The following PRRC2B variants were observed in gnomAD, a reference collection of about 807,000 sequenced individuals.
PRRC2B encodes proline rich coiled-coil 2B, also known as protein PRRC2B.
Under a neutral mutation model 242.3 loss-of-function variants are expected in PRRC2B, and 68 were observed. The ratio of observed to expected loss-of-function variants is 0.28; its 90% CI spans 0.23 to 0.34. PRRC2B has a LOEUF of 0.34. Ranked by LOEUF, PRRC2B falls within the 10% of genes least tolerant of loss-of-function variation. The pLI, the probability that PRRC2B is intolerant of heterozygous loss-of-function variation, is 1.00. For missense variants in PRRC2B, 2,835 were observed against 2,954.8 expected (o/e 0.96, Z 0.94); for synonymous variants, 1,228 against 1,173.6 (o/e 1.05, Z -0.95).
rs1230487556 is a variant in PRRC2B, at chr9:131,496,406, C to G, written c.*532C>G. On this transcript the variant is annotated 3_prime_UTR_variant, in exon 32 of 32. Coordinates refer to ENST00000683519, the MANE Select transcript of PRRC2B (RefSeq NM_013318.4). The stretch of plus-strand genomic sequence containing the variant: ...TTCTTGCCAGCCCCTCCGCTCCCTT[C>G]CATCTCTAGCCTCTGTCCTGTTTAG... 6.5e-6 allele frequency: 1 copy of G among 154,602 alleles called. No individual in the cohort carries two copies. Among genetic ancestry groups the G allele is most frequent in the East Asian group, 1.9e-4 (1 of 5,232 alleles). The allele number at this position is 154,602 out of a possible 1,614,324, so 9.6% of individuals were successfully genotyped here.
chr9:131,420,493 C>CTTTCTTTCTTTCTTTCTTTCTTTTT, intron 1 of PRRC2B, among the ~76,000 whole-genome samples: 22 of 30,172 alleles, frequency 7.3e-4, no homozygotes, highest in Middle Eastern at 0.018. Flanking sequence ...TTCTTTCTTT[C>CTTTCTTTCTTTCTTTCTTTCTTTTT]TTTTTTTTTT....
At chr9:131,484,595 T>A in intron 23 of PRRC2B, 91 bp from the exon 24 acceptor site, 1 of 1,023,662 alleles carries the variant, frequency 9.8e-7, no homozygotes, top group African/African-American at 1.6e-5. Flanking sequence ...TGGACGAGCC[T>A]TGAGTGTGTT....
chr9:131,422,757 C>T (rs1048862741), intron 1 of PRRC2B, among the ~76,000 whole-genome samples: 7 of 152,148 alleles, frequency 4.6e-5, no homozygotes, highest in African/African-American at 1.7e-4. Context: ...CCGTTGTTGG[C>T]GAATCTTTCT....
At position 131,446,228 on chromosome 9, in the gene PRRC2B, G is replaced by A. The variant is rs1315829967; in HGVS notation, c.614-173G>A. 2.0e-5 allele frequency among the ~76,000 whole-genome samples: 3 copies of A among 152,168 alleles called. No individual in the cohort carries two copies. The highest frequency in any genetic ancestry group is 2.9e-5 in the Non-Finnish European group (2 of 68,028). ...TCAGCAAGTTCATCCTCATTGGCCA[G>A]GGGTCTGCCCCAACCTTCCCTGACA... On this transcript the variant is annotated intron_variant, in intron 6 of 31. Coordinates refer to ENST00000683519, the MANE Select transcript of PRRC2B (RefSeq NM_013318.4). The surrounding 1 kb of genome is among the most constrained non-coding windows in gnomAD (Gnocchi z 4.1).
chr9:131,487,765 T>C lies in PRRC2B; in HGVS notation c.5985-91T>C, dbSNP rs1944068302. 6.6e-7 allele frequency: 1 copy of C among 1,508,682 alleles called. No individual in the cohort carries two copies. The highest frequency in any genetic ancestry group is 1.4e-5 in the African/African-American group (1 of 72,506). 93.5% of individuals were successfully genotyped at this position (1,508,682 alleles called of 1,614,324 possible). ...GGGGTGGGGCCGGGGATCTGTGGTT[T>C]AGCAAGCTCTCCGGGGATCTCTGAA... On this transcript the variant is annotated intron_variant, in intron 27 of 31. Coordinates refer to ENST00000683519, the MANE Select transcript of PRRC2B (RefSeq NM_013318.4). The surrounding 1 kb of genome is among the most constrained non-coding windows in gnomAD (Gnocchi z 5.3).
rs541524987 is a variant in PRRC2B at position 131,446,119 on chromosome 9, T to TTG, written c.614-281_614-280dup. On this transcript the variant is annotated intron_variant, in intron 6 of 31. Coordinates refer to ENST00000683519, the MANE Select transcript of PRRC2B (RefSeq NM_013318.4). This position sits in a 1 kb window ranked among gnomAD's most constrained non-coding sequence, Gnocchi z 4.1. ...TCTTCATCTCTCTGGGTTGTGAGACTTGGGGAAGGGTGGTGATTGTTGCTT... is the reference window on the plus strand; with the variant it reads ...TCTTCATCTCTCTGGGTTGTGAGACTTGTGGGGAAGGGTGGTGATTGTTGCTT... Among the ~76,000 whole-genome samples the TTG allele has an allele frequency of 1.3e-5, 2 of 150,610 alleles. No homozygotes were observed. The highest frequency in any genetic ancestry group is 1.3e-4 in the Admixed American group (2 of 14,842).
At position 131,478,073 on chromosome 9, in the gene PRRC2B, C is replaced by T. The variant is rs140489085; in HGVS notation, c.4612+124C>T. ...AGCTTTCGGAACAGCTCGGCCAGGC[C>T]CTGGGCTGGGTTCTGGGGCTGTAGA... is the stretch of plus-strand genomic sequence containing the variant. On this transcript the variant is annotated intron_variant, in intron 17 of 31. Transcript: ENST00000683519. 2,572 of 813,330 alleles carry T rather than the reference C, an allele frequency of 3.2e-3. 19 individuals are homozygous for T. Among genetic ancestry groups the T allele is most frequent in the South Asian group, 0.014 (801 of 58,338 alleles). The allele number at this position is 813,330 out of a possible 1,614,324, so 50.4% of individuals were successfully genotyped here.
intron 12 of PRRC2B, among the ~76,000 whole-genome samples, chr9:131,465,520 C>T (rs2131424830): frequency 1.3e-5 from 2 of 152,286 alleles, no homozygotes; most frequent in East Asian, 3.9e-4. Context: ...ACAGCACGCT[C>T]CAGTTTCTGG....
chr9:131,419,396 A>G (rs1217595965), intron 1 of PRRC2B, among the ~76,000 whole-genome samples: 3 of 152,316 alleles, frequency 2.0e-5, no homozygotes, highest in Non-Finnish European at 2.9e-5. Context: ...GTGACACACC[A>G]ACGTGGGGAC....
intron 1 of PRRC2B, among the ~76,000 whole-genome samples, chr9:131,413,188 T>C (rs559565953): frequency 6.6e-6 from 1 of 152,360 alleles, no homozygotes; most frequent in South Asian, 2.1e-4. Flanking sequence ...CTTTTTCTTA[T>C]TTGAAGGTGT....
intron 5 of PRRC2B, among the ~76,000 whole-genome samples, chr9:131,440,075 G>A (rs1214431236): frequency 6.6e-6 from 1 of 151,696 alleles, no homozygotes; most frequent in Non-Finnish European, 1.5e-5. Context: ...TTGATTGACT[G>A]AGTGATTGAT....
chr9:131,474,382 G>T (rs1211869124), intron 15 of PRRC2B, 72 bp from the exon 16 acceptor site: 2 of 1,274,780 alleles, frequency 1.6e-6, no homozygotes, highest in African/African-American at 1.5e-5. Context: ...TTAAAACTAA[G>T]CTCTGTGTTC....
chr9:131,405,189 G>A (rs1019713222), intron 1 of PRRC2B, among the ~76,000 whole-genome samples: 5 of 152,190 alleles, frequency 3.3e-5, no homozygotes, highest in Middle Eastern at 3.2e-3. Context: ...CAGCAGCTCC[G>A]TTCACAGTGC....
chr9:131,412,618 T>C (rs1837534822), intron 1 of PRRC2B, among the ~76,000 whole-genome samples: 2 of 152,236 alleles, frequency 1.3e-5, no homozygotes, highest in African/African-American at 4.8e-5. Flanking sequence ...CTTGCTCTGC[T>C]GACGCTGTAA....
intron 5 of PRRC2B, among the ~76,000 whole-genome samples, chr9:131,443,215 G>A (rs1838668508): frequency 1.3e-5 from 2 of 149,986 alleles, no homozygotes; most frequent in African/African-American, 4.9e-5. Context: ...CTCACTGCAA[G>A]CTCCATCTCC....
intron 1 of PRRC2B, among the ~76,000 whole-genome samples, chr9:131,408,867 G>A (rs1837434982): frequency 6.6e-6 from 1 of 151,894 alleles, no homozygotes; most frequent in Admixed American, 6.6e-5. Context: ...TTACAGGCAT[G>A]TGCCACCACA....
intron 23 of PRRC2B, among the ~76,000 whole-genome samples, chr9:131,484,364 T>G (rs1943955312): frequency 6.6e-6 from 1 of 151,998 alleles, no homozygotes; most frequent in South Asian, 2.1e-4. Flanking sequence ...CTATGGAGTG[T>G]GGATATGGGG....
chr9:131,477,733 TTC>T lies in PRRC2B; in HGVS notation c.4407-10_4407-9del, dbSNP rs749310552. The stretch of plus-strand genomic sequence containing the variant: ...CCAGCTCTGGTTAACAAGATCCTCT[TTC>T]CCTTACAGATCCCCAGACGAGGCCT... On this transcript the variant is annotated splice_polypyrimidine_tract_variant and intron_variant, in intron 16 of 31. Transcript: ENST00000683519. 18 of 1,566,528 alleles carry T rather than the reference TTC, an allele frequency of 1.1e-5. No homozygotes were observed. In the African/African-American group the frequency reaches 1.9e-4, roughly 16 times the overall value.
intron 6 of PRRC2B, among the ~76,000 whole-genome samples, chr9:131,445,428 G>T (rs961169140): frequency 1.3e-5 from 2 of 152,184 alleles, no homozygotes; most frequent in Non-Finnish European, 2.9e-5. Context: ...CAAAGTGCTG[G>T]GATTACAGGC....
Sources: gnomAD v4.1 joint callset for allele counts (sites outside exome capture counted in the v4.1 genomes callset) on GRCh38, gnomAD v4.1.1 for gene constraint, Gnocchi (gnomAD v3.1) non-coding constraint, MANE v1.5 for transcripts, NCBI Gene and HGNC (gene_info 2026-07-23, HGNC 2026-07-21) for gene names.